RSRC1: variants seen among roughly 807,000 people sequenced by gnomAD.
RSRC1 encodes arginine and serine rich coiled-coil 1, also known as serine/Arginine-related protein 53.
Under a neutral mutation model 49.1 loss-of-function variants are expected in RSRC1, and 39 were observed. That is an observed-to-expected ratio of 0.79 (90% CI 0.61 to 1.04). RSRC1 has a LOEUF of 1.04. Among genes scored for constraint, RSRC1 ranks in the 50% least tolerant of loss-of-function variants. RSRC1 has a pLI of 0.00. For missense variants in RSRC1, 388 were observed against 402.4 expected, an observed-to-expected ratio of 0.96 and a Z score of 0.31; for synonymous variants, 143 against 130.8, an observed-to-expected ratio of 1.09 and a Z score of -0.63.
chr3:158,384,525 AT>A (rs1732865368), intron 6 of RSRC1, among the ~76,000 whole-genome samples: 1 of 152,108 alleles, frequency 6.6e-6, no homozygotes, highest in Non-Finnish European at 1.5e-5. Context: ...TGAATGGGCT[AT>A]TAATAAAGGT....
At chr3:158,407,166 T>C (rs1181438154) in intron 6 of RSRC1, among the ~76,000 whole-genome samples, 1 of 152,148 alleles carries the variant, frequency 6.6e-6, no homozygotes, top group Non-Finnish European at 1.5e-5. Flanking sequence ...CAGTTTGTTT[T>C]AAAGCAATTG....
chr3:158,198,568 C>T (rs567762677), intron 3 of RSRC1, among the ~76,000 whole-genome samples: 2 of 152,288 alleles, frequency 1.3e-5, no homozygotes, highest in African/African-American at 4.8e-5. Flanking sequence ...TTAGTTGATG[C>T]ATTTTCTTCC....
chr3:158,282,045 T>A (rs925370869), intron 4 of RSRC1, among the ~76,000 whole-genome samples: 3 of 152,220 alleles, frequency 2.0e-5, no homozygotes, highest in Non-Finnish European at 4.4e-5. Context: ...ACACAGCCAG[T>A]GCTTTGCAGT....
chr3:158,485,903 G>A (rs1274198919), intron 7 of RSRC1, among the ~76,000 whole-genome samples: 1 of 152,060 alleles, frequency 6.6e-6, no homozygotes, highest in Non-Finnish European at 1.5e-5. Context: ...TTGATGTGAA[G>A]TCATATGCGT....
intron 5 of RSRC1, among the ~76,000 whole-genome samples, chr3:158,341,938 T>C (rs887212338): frequency 2.0e-5 from 3 of 152,200 alleles, no homozygotes; most frequent in Non-Finnish European, 4.4e-5. Context: ...TTTGGAACTT[T>C]AAAGTTTGAC....
intron 5 of RSRC1, chr3:158,303,294 C>T (rs1727667068): frequency 6.6e-6 from 1 of 152,154 alleles, no homozygotes. Flanking sequence ...TGGGTTGTTT[C>T]TGGCTTGAAA....
intron 6 of RSRC1, among the ~76,000 whole-genome samples, chr3:158,400,675 A>G (rs1266132903): frequency 6.6e-6 from 1 of 152,162 alleles, no homozygotes; most frequent in Non-Finnish European, 1.5e-5. Context: ...ATTTTTAAAT[A>G]GGAAAAAGCT....
intron 6 of RSRC1, among the ~76,000 whole-genome samples, chr3:158,424,923 A>C (rs1285695827): frequency 6.6e-6 from 1 of 151,176 alleles, no homozygotes; most frequent in African/African-American, 2.4e-5. Flanking sequence ...ATCGGTGGTG[A>C]TATCCCCTTT....
chr3:158,349,648 C>T (rs1484413660), intron 5 of RSRC1, among the ~76,000 whole-genome samples: 2 of 149,510 alleles, frequency 1.3e-5, no homozygotes, highest in Non-Finnish European at 3.0e-5. Flanking sequence ...TTTAATATGG[C>T]CTTTAAAGAC....
At chr3:158,453,238 C>T in intron 6 of RSRC1, among the ~76,000 whole-genome samples, 1 of 151,628 alleles carries the variant, frequency 6.6e-6, no homozygotes, top group Middle Eastern at 3.4e-3. Context: ...CTTGTGCACA[C>T]ATTTTCAAAC....
At chr3:158,394,340 A>G (rs1446049602) in intron 6 of RSRC1, among the ~76,000 whole-genome samples, 3 of 152,134 alleles carry the variant, frequency 2.0e-5, no homozygotes, top group Non-Finnish European at 4.4e-5. Context: ...AAGGCATTCA[A>G]ATAGGAAAAG....
intron 6 of RSRC1, among the ~76,000 whole-genome samples, chr3:158,386,913 T>G (rs1732998775): frequency 6.6e-6 from 1 of 151,522 alleles, no homozygotes; most frequent in East Asian, 1.9e-4. Context: ...TACATGGAAA[T>G]AAAATGAATA....
intron 6 of RSRC1, among the ~76,000 whole-genome samples, chr3:158,447,831 T>G (rs1250653351): frequency 6.6e-6 from 1 of 151,948 alleles, no homozygotes; most frequent in Non-Finnish European, 1.5e-5. Flanking sequence ...AAATGACTTT[T>G]TCGATATCAG....
intron 6 of RSRC1, among the ~76,000 whole-genome samples, chr3:158,454,913 G>T (rs540465646): frequency 2.0e-5 from 3 of 152,230 alleles, no homozygotes; most frequent in African/African-American, 7.2e-5. Flanking sequence ...TTAGGGGTCA[G>T]TAATTACCTG....
rs147319174 is a variant in RSRC1 at position 158,468,699 on chromosome 3, A to G, written c.652+7696A>G. On this transcript the variant is annotated intron_variant, in intron 7 of 9. Coordinates refer to ENST00000611884, the MANE Select transcript of RSRC1 (RefSeq NM_001271838.2). ...TTATTATATAAGTGTTTGTTCTAGTATACTTCAACTCTCTATAAAATTGTA... is the reference window on the plus strand; with the variant it reads ...TTATTATATAAGTGTTTGTTCTAGTGTACTTCAACTCTCTATAAAATTGTA... 3.3e-5 allele frequency among the ~76,000 whole-genome samples: 5 copies of G among 152,186 alleles called. 1 individual carries two copies. Among genetic ancestry groups the G allele is most frequent in the East Asian group, 1.9e-4 (1 of 5,196 alleles).
chr3:158,266,536 G>A (rs764385186), intron 4 of RSRC1, among the ~76,000 whole-genome samples: 11 of 152,102 alleles, frequency 7.2e-5, no homozygotes, highest in East Asian at 3.9e-4. Context: ...GCTTCTTGGC[G>A]GTTGTTGGGT....
Position 158,468,046 on chromosome 3 carries a change from G to A in RSRC1, c.652+7043G>A, listed in dbSNP as rs183035495. 3.8e-3 allele frequency among the ~76,000 whole-genome samples: 585 copies of A among 152,272 alleles called. 2 individuals are homozygous for A. The highest frequency in any genetic ancestry group is 7.2e-3 in the Non-Finnish European group (490 of 68,010). ...CCTCCTGGGTTCATGCCATTCTCCT[G>A]CCTCAGCCTCCCGAGTCGCTGGTAC... On this transcript the variant is annotated intron_variant, in intron 7 of 9. Transcript: ENST00000611884.
In RSRC1 at chr3:158,483,235, C is replaced by A. The variant is rs948002752; in HGVS notation, c.652+22232C>A. On this transcript the variant is annotated intron_variant, in intron 7 of 9. Transcript: ENST00000611884. Reference sequence around the variant, plus strand: ...GCTAATTTACTGCATTAAATTAGGTCTATTAGTGGTAGTAATTTTTTAAAC... The same window carrying A: ...GCTAATTTACTGCATTAAATTAGGTATATTAGTGGTAGTAATTTTTTAAAC... 1.3e-5 allele frequency among the ~76,000 whole-genome samples: 2 copies of A among 151,960 alleles called. 1 individual carries two copies. The highest frequency in any genetic ancestry group is 4.1e-4 in the South Asian group (2 of 4,828).
At position 158,470,968 on chromosome 3, in the gene RSRC1, G is replaced by T. The variant is rs117722019; in HGVS notation, c.652+9965G>T. ...CAAGAAACTCACGCAACAAGAATCA[G>T]CATCCTAGGCTGGAAAACCAAGCAC... On this transcript the variant is annotated intron_variant, in intron 7 of 9. Coordinates refer to ENST00000611884, the MANE Select transcript of RSRC1 (RefSeq NM_001271838.2). 1.8e-4 allele frequency among the ~76,000 whole-genome samples: 28 copies of T among 152,294 alleles called. No individual in the cohort carries two copies. In the East Asian group the frequency reaches 4.1e-3, roughly 22 times the overall value.
Sources: allele counts gnomAD v4.1 joint callset (sites outside exome capture counted in the v4.1 genomes callset), GRCh38; gene constraint gnomAD v4.1.1; transcripts MANE v1.5; gene names NCBI Gene and HGNC (gene_info 2026-07-23, HGNC 2026-07-21).